FOXP1: variants seen among roughly 807,000 people sequenced by gnomAD.
FOXP1 encodes forkhead box P1, also known as forkhead box protein P1.
A neutral mutation model predicts 98.2 loss-of-function variants in FOXP1; 15 were observed. The ratio of observed to expected loss-of-function variants is 0.15; its 90% CI spans 0.10 to 0.24. The LOEUF (loss-of-function observed/expected upper bound fraction) is 0.24, where lower values mean the gene tolerates loss of function less well. Ranked by LOEUF, FOXP1 falls within the 10% of genes least tolerant of loss-of-function variation. FOXP1 has a pLI of 1.00. For missense variants in FOXP1, 633 were observed against 848.5 expected (o/e 0.75, Z 3.15); for synonymous variants, 371 against 314.5 (o/e 1.18, Z -1.90).
At chr3:71,471,523 CA>C (rs2089345189) in intron 3 of FOXP1, among the ~76,000 whole-genome samples, 2 of 152,136 alleles carry the variant, frequency 1.3e-5, no homozygotes, top group Admixed American at 1.3e-4. Flanking sequence ...ACCTTCTAGT[CA>C]TTCCACAAAG....
At chr3:71,200,082 A>AT (rs2063569757) in intron 5 of FOXP1, among the ~76,000 whole-genome samples, 1 of 101,186 alleles carries the variant, frequency 9.9e-6, no homozygotes, top group Admixed American at 1.1e-4. Flanking sequence ...ACTCCATCTC[A>AT]CAAAAAAAAA....
At chr3:71,133,031 C>T (rs2059648356) in intron 6 of FOXP1, among the ~76,000 whole-genome samples, 2 of 149,810 alleles carry the variant, frequency 1.3e-5, no homozygotes, top group Admixed American at 6.6e-5. Flanking sequence ...TTACTCCAAA[C>T]ATCTCCCAAC....
chr3:71,288,405 G>A (rs1160868374), intron 5 of FOXP1: 1 of 152,180 alleles, frequency 6.6e-6, no homozygotes, highest in South Asian at 2.1e-4. Context: ...GCTAGAATCT[G>A]TGATGCTCTT....
At chr3:70,961,455 T>C (rs980850318) in intron 20 of FOXP1, among the ~76,000 whole-genome samples, 2 of 151,816 alleles carry the variant, frequency 1.3e-5, no homozygotes, top group African/African-American at 4.8e-5. Flanking sequence ...GGTCTTGAAC[T>C]CCTGACCTCA....
chr3:71,016,656 A>AACACACACACACACACACACAC, intron 11 of FOXP1, among the ~76,000 whole-genome samples: 1 of 146,258 alleles, frequency 6.8e-6, no homozygotes, highest in Admixed American at 6.9e-5. Flanking sequence ...TGATTACAAG[A>AACACACACACACACACACACAC]ACACACACAC....
chr3:71,027,703 G>A (rs1392184510), intron 11 of FOXP1, among the ~76,000 whole-genome samples: 1 of 152,036 alleles, frequency 6.6e-6, no homozygotes, highest in Non-Finnish European at 1.5e-5. Context: ...TAAGATTTCT[G>A]TATACACATA....
At chr3:71,233,208 A>C (rs1195247568) in intron 5 of FOXP1, among the ~76,000 whole-genome samples, 1 of 136,930 alleles carries the variant, frequency 7.3e-6, no homozygotes, top group East Asian at 2.5e-4. Context: ...TAAGAAAGGG[A>C]GAGAAGGGGA....
intron 5 of FOXP1, among the ~76,000 whole-genome samples, chr3:71,215,509 T>A (rs2064849546): frequency 6.6e-6 from 1 of 152,174 alleles, no homozygotes; most frequent in African/African-American, 2.4e-5. Flanking sequence ...TAAAGTGTCT[T>A]GTATGTAGTA....
At chr3:71,129,284 T>C (rs980286436) in intron 6 of FOXP1, among the ~76,000 whole-genome samples, 3 of 152,212 alleles carry the variant, frequency 2.0e-5, no homozygotes, top group African/African-American at 7.2e-5. Context: ...ACATCTTATT[T>C]TTTCTTGCAA....
chr3:70,963,715 G>GTGTC (rs2034105541), intron 20 of FOXP1, among the ~76,000 whole-genome samples: 1 of 152,212 alleles, frequency 6.6e-6, no homozygotes, highest in Non-Finnish European at 1.5e-5. Context: ...TGTTCTGGGG[G>GTGTC]TGTCTGCACA....
At chr3:71,381,024 T>C (rs1478007120) in intron 3 of FOXP1, among the ~76,000 whole-genome samples, 1 of 152,158 alleles carries the variant, frequency 6.6e-6, no homozygotes, top group Non-Finnish European at 1.5e-5. Context: ...GTAGCACAAA[T>C]GAATGTCCTT....
intron 2 of FOXP1, among the ~76,000 whole-genome samples, chr3:71,556,782 C>T (rs2046175177): frequency 6.6e-6 from 1 of 151,520 alleles, no homozygotes; most frequent in Non-Finnish European, 1.5e-5. Context: ...CTAGTAAATT[C>T]ACTTACAAAA....
rs1341867805 is a variant in FOXP1, at chr3:70,959,320, G to A, written c.1961C>T (p.Thr654Ile). ...EAEGPLSLVT[T>I]ANHSPDFDHD... ...GTCAAAATCTGGACTGTGGTTGGCT[G>A]TTGTCACTAAGGACAGGGGCCCTTC... Residue 654 changes from threonine to isoleucine, a missense_variant, in exon 21 of 21, where the codon ACA (threonine) becomes ATA (isoleucine). By Grantham distance (89) the Thr-to-Ile change is moderately conservative. Transcript: ENST00000649528. 2 of 1,613,822 alleles carry A rather than the reference G, an allele frequency of 1.2e-6. No homozygotes were observed. The highest frequency in any genetic ancestry group is 1.7e-6 in the Non-Finnish European group (2 of 1,180,000).
chr3:71,247,358 T>C (rs912447111), intron 5 of FOXP1, among the ~76,000 whole-genome samples: 5 of 152,164 alleles, frequency 3.3e-5, no homozygotes, highest in African/African-American at 1.2e-4. Context: ...AATGTGCCTC[T>C]TCCCTGGGCA....
intron 5 of FOXP1, among the ~76,000 whole-genome samples, chr3:71,267,124 A>AGAGAGAGTGTGTGTGTGT (rs142661368): frequency 2.3e-4 from 34 of 148,410 alleles, no homozygotes; most frequent in Middle Eastern, 3.5e-3. Flanking sequence ...TATGGGAGAG[A>AGAGAGAGTGTGTGTGTGT]GTGTGTGTGT....
chr3:71,111,003 A>G (rs2107735767), intron 7 of FOXP1, among the ~76,000 whole-genome samples: 1 of 152,364 alleles, frequency 6.6e-6, no homozygotes, highest in African/African-American at 2.4e-5. Context: ...ATAAAGCGTC[A>G]CTATAGTGCT....
chr3:71,226,853 G>A (rs916851322), intron 5 of FOXP1, among the ~76,000 whole-genome samples: 1 of 152,086 alleles, frequency 6.6e-6, no homozygotes, highest in Non-Finnish European at 1.5e-5. Flanking sequence ...GCTGTTCACC[G>A]GCCAAGAAGA....
At chr3:71,544,378 GAA>G (rs941386722) in intron 2 of FOXP1, among the ~76,000 whole-genome samples, 22 of 120,708 alleles carry the variant, frequency 1.8e-4, no homozygotes, top group African/African-American at 6.4e-4. Context: ...TAAAGAAATG[GAA>G]AAAAAAAAAA....
At position 71,450,720 on chromosome 3, in the gene FOXP1, T is replaced by A. The variant is rs142470914; in HGVS notation, c.-168+42706A>T. On this transcript the variant is annotated intron_variant, in intron 3 of 20. Transcript: ENST00000649528. ...GTGATGGCATAAAATAAGTAGTAAGTGATAAGATGAGTTGGTCATTTTTTT... is the reference window on the plus strand; with the variant it reads ...GTGATGGCATAAAATAAGTAGTAAGAGATAAGATGAGTTGGTCATTTTTTT... Among the ~76,000 whole-genome samples, 8 of 152,200 alleles carry A rather than the reference T, an allele frequency of 5.3e-5. No individual in the cohort carries two copies. In the East Asian group the frequency reaches 1.2e-3, roughly 22 times the overall value.
Sources: allele counts gnomAD v4.1 joint callset (sites outside exome capture counted in the v4.1 genomes callset), GRCh38; gene constraint gnomAD v4.1.1; transcripts MANE v1.5; gene names NCBI Gene and HGNC (gene_info 2026-07-23, HGNC 2026-07-21).